RBFOX2: variants seen among roughly 807,000 people sequenced by gnomAD.
The protein encoded by RBFOX2 is RNA binding protein fox-1 homolog 2.
RBFOX2 carries 10 observed loss-of-function variants against 49.1 expected under a neutral mutation model. The ratio of observed to expected loss-of-function variants is 0.20; its 90% CI spans 0.13 to 0.35. The LOEUF (loss-of-function observed/expected upper bound fraction) is 0.35. Among genes scored for constraint, RBFOX2 ranks in the 10% least tolerant of loss-of-function variants. RBFOX2 has a pLI of 1.00. For missense variants in RBFOX2, 323 were observed against 486.9 expected, an observed-to-expected ratio of 0.66 and a Z score of 3.17; for synonymous variants, 183 against 187.4, an observed-to-expected ratio of 0.98 and a Z score of 0.19.
intron 1 of RBFOX2, among the ~76,000 whole-genome samples, chr22:35,987,629 TA>T (rs1159765007): frequency 6.6e-6 from 1 of 152,202 alleles, no homozygotes; most frequent in African/African-American, 2.4e-5. Context: ...TCTAGGGAAT[TA>T]ATCTGTCAGC....
chr22:35,836,186 G>GA (rs1367865856), intron 1 of RBFOX2: 2 of 152,218 alleles, frequency 1.3e-5, no homozygotes, highest in African/African-American at 4.8e-5. Flanking sequence ...ACTAAATGCT[G>GA]AGAGGACCTC....
chr22:36,027,115 C>T (rs1364885473), intron 1 of RBFOX2, among the ~76,000 whole-genome samples: 2 of 152,122 alleles, frequency 1.3e-5, no homozygotes, highest in Admixed American at 1.3e-4. Flanking sequence ...TTAAAACAAG[C>T]TGGGACTTGA....
intron 1 of RBFOX2, among the ~76,000 whole-genome samples, chr22:35,846,330 TTGTGTGTGTGTGTG>T (rs35272106): frequency 7.1e-5 from 10 of 140,452 alleles, no homozygotes; most frequent in South Asian, 2.3e-4. Context: ...ATTTATATAG[TTGTGTGTGTGTGTG>T]TGTGTGTGTG....
chr22:35,954,371 G>C (rs995080573), intron 1 of RBFOX2, among the ~76,000 whole-genome samples: 1 of 152,170 alleles, frequency 6.6e-6, no homozygotes, highest in African/African-American at 2.4e-5. Flanking sequence ...AGTATGGATG[G>C]TATTGTTTCT....
chr22:35,896,897 T>G (rs973790863), intron 1 of RBFOX2, among the ~76,000 whole-genome samples: 5 of 152,046 alleles, frequency 3.3e-5, no homozygotes, highest in Non-Finnish European at 5.9e-5. Context: ...AAAAGAAAAA[T>G]AAATCTTGAC....
At chr22:35,978,648 C>G (rs557927575) in intron 1 of RBFOX2, among the ~76,000 whole-genome samples, 1 of 152,244 alleles carries the variant, frequency 6.6e-6, no homozygotes, top group East Asian at 1.9e-4. Flanking sequence ...AAGAAACCAG[C>G]ATAAAGCAGG....
chr22:35,782,813 AC>A (rs2147175081), intron 2 of RBFOX2, among the ~76,000 whole-genome samples: 1 of 152,276 alleles, frequency 6.6e-6, no homozygotes, highest in East Asian at 1.9e-4. Flanking sequence ...ATTTGCACAT[AC>A]CCACAGTTAA....
At chr22:35,843,952 T>C (rs1284728887), upstream of RBFOX2, among the ~76,000 whole-genome samples, 14 of 152,240 alleles carry the variant, frequency 9.2e-5, no homozygotes. Context: ...ACTCATTCTA[T>C]CACTTCAGTT....
intron 1 of RBFOX2, among the ~76,000 whole-genome samples, chr22:35,811,360 G>C: frequency 6.6e-6 from 1 of 152,100 alleles, no homozygotes; most frequent in South Asian, 2.1e-4. Context: ...TCATGAGGGT[G>C]GGCCTTAATC....
At chr22:35,980,222 A>C (rs1318291739) in intron 1 of RBFOX2, among the ~76,000 whole-genome samples, 3 of 152,160 alleles carry the variant, frequency 2.0e-5, no homozygotes, top group Admixed American at 1.3e-4. Flanking sequence ...ACACACACAC[A>C]TCTCTCCAAG....
intron 2 of RBFOX2, among the ~76,000 whole-genome samples, chr22:35,785,779 G>A (rs929711207): frequency 7.9e-5 from 12 of 152,202 alleles, no homozygotes; most frequent in African/African-American, 2.7e-4. Flanking sequence ...GCAATGTTCT[G>A]TGAAAGTGTA....
At position 35,954,148 on chromosome 22, in the gene RBFOX2, T is replaced by A. The variant is rs192316924; in HGVS notation, c.42+7415A>T. 5.3e-5 allele frequency among the ~76,000 whole-genome samples: 8 copies of A among 152,282 alleles called. 1 individual carries two copies. Among genetic ancestry groups the A allele is most frequent in the Non-Finnish European group, 1.0e-4 (7 of 68,020 alleles). ...CATATGTCTTGGTGTTAAATTTGGA[T>A]TTATGAGTGATATATGTCTTTGTGG... On this transcript the variant is annotated intron_variant, in intron 1 of 5. Coordinates refer to the RBFOX2 transcript ENST00000408983.
At position 35,761,309 on chromosome 22, in the gene RBFOX2, A is replaced by T. The variant is rs1938751672; in HGVS notation, c.662-15T>A. 5.6e-6 allele frequency: 9 copies of T among 1,614,034 alleles called. No homozygotes were observed. Among genetic ancestry groups the T allele is most frequent in the Middle Eastern group, 1.6e-4 (1 of 6,062 alleles). ...AAAGCTGGATGCTGATTGGATTTTT[A>T]AAAAATTTAAAAATGCAAGAAGATT... On this transcript the variant is annotated splice_polypyrimidine_tract_variant and intron_variant, in intron 7 of 11. Coordinates refer to ENST00000405409, the Ensembl canonical transcript of RBFOX2.
At chr22:35,930,139 A>G (rs1350831011) in intron 1 of RBFOX2, among the ~76,000 whole-genome samples, 1 of 148,880 alleles carries the variant, frequency 6.7e-6, no homozygotes, top group Non-Finnish European at 1.5e-5. Context: ...CTCGTGCCTC[A>G]GCTCCCAAGT....
chr22:35,897,918 T>G, intron 1 of RBFOX2: 1 of 730,954 alleles, frequency 1.4e-6, no homozygotes, highest in Middle Eastern at 2.4e-4. Context: ...GAATGAATTT[T>G]CCAACTTCAG....
At chr22:35,795,205 A>G (rs1948551368) in intron 2 of RBFOX2, among the ~76,000 whole-genome samples, 1 of 152,116 alleles carries the variant, frequency 6.6e-6, no homozygotes, top group Non-Finnish European at 1.5e-5. Flanking sequence ...CAGGATATAT[A>G]TATTTTATGT....
At chr22:35,788,276 T>C (rs373638081) in intron 2 of RBFOX2, among the ~76,000 whole-genome samples, 34 of 152,290 alleles carry the variant, frequency 2.2e-4, no homozygotes, top group African/African-American at 7.9e-4. Context: ...TCCAAGTCTA[T>C]CAGATTAAGA....
rs573691202 is a variant in RBFOX2, at chr22:35,823,976, C to T, written c.28-13972G>A. On this transcript the variant is annotated intron_variant, in intron 1 of 11. Transcript: ENST00000405409. Reference sequence around the variant, plus strand: ...CAGCCTGGCCAACATGGTGAAACCCCATCTCTACTAAAGATACAAAAAATT... The same window carrying T: ...CAGCCTGGCCAACATGGTGAAACCCTATCTCTACTAAAGATACAAAAAATT... Among the ~76,000 whole-genome samples, 10 of 152,146 alleles carry T rather than the reference C, an allele frequency of 6.6e-5. No homozygotes were observed. In the South Asian group the frequency reaches 2.1e-3, roughly 32 times the overall value.
intron 1 of RBFOX2, among the ~76,000 whole-genome samples, chr22:35,927,978 T>C (rs777510462): frequency 2.0e-5 from 3 of 152,282 alleles, no homozygotes; most frequent in South Asian, 4.1e-4. Flanking sequence ...AACTAATCAT[T>C]CCCTTGTAAA....
Sources: gnomAD v4.1 joint callset for allele counts (sites outside exome capture counted in the v4.1 genomes callset) on GRCh38, gnomAD v4.1.1 for gene constraint, MANE v1.5 for transcripts, NCBI Gene and HGNC (gene_info 2026-07-23, HGNC 2026-07-21) for gene names.